Variants in CNTN5 observed in about 807,000 individuals in gnomAD.
CNTN5 encodes contactin-5.
A neutral mutation model predicts 129.1 loss-of-function variants in CNTN5; 77 were observed. That is an observed-to-expected ratio of 0.60 (90% CI 0.50 to 0.72). The LOEUF is 0.72. CNTN5 is among the 30% of genes least tolerant of loss of function. The pLI is 0.00. For missense variants in CNTN5, 1,478 were observed against 1,328.8 expected, an observed-to-expected ratio of 1.11 and a Z score of -1.75; for synonymous variants, 509 against 465.6, an observed-to-expected ratio of 1.09 and a Z score of -1.20.
At chr11:99,970,921 T>G (rs867997671) in intron 8 of CNTN5, among the ~76,000 whole-genome samples, 2 of 152,186 alleles carry the variant, frequency 1.3e-5, no homozygotes, top group African/African-American at 2.4e-5. Flanking sequence ...ATAATTTTTC[T>G]TTCTGTTCTG....
At chr11:100,342,094 T>C (rs377179172) in intron 23 of CNTN5, among the ~76,000 whole-genome samples, 1 of 151,496 alleles carries the variant, frequency 6.6e-6, no homozygotes, top group East Asian at 1.9e-4. Flanking sequence ...TTAATTTCCA[T>C]TAATATTATA....
chr11:99,832,012 T>A (rs192218310), intron 4 of CNTN5, among the ~76,000 whole-genome samples: 94 of 152,220 alleles, frequency 6.2e-4, no homozygotes, highest in African/African-American at 1.9e-3. Context: ...AAGTTCCTTG[T>A]CTCCTTTGCA....
At chr11:99,954,369 C>A (rs202019904) in intron 7 of CNTN5, among the ~76,000 whole-genome samples, 1 of 151,370 alleles carries the variant, frequency 6.6e-6, no homozygotes, top group African/African-American at 2.4e-5. Context: ...AAAAAAAAAC[C>A]TTAAAAAGTG....
At chr11:99,618,881 A>T (rs1396917244) in intron 3 of CNTN5, among the ~76,000 whole-genome samples, 4 of 152,200 alleles carry the variant, frequency 2.6e-5, no homozygotes, top group Admixed American at 2.6e-4. Flanking sequence ...AAAATAAAAA[A>T]TTTAAAGAGA....
chr11:99,379,504 A>G (rs1488568318), intron 2 of CNTN5, among the ~76,000 whole-genome samples: 2 of 152,166 alleles, frequency 1.3e-5, no homozygotes, highest in Non-Finnish European at 2.9e-5. Flanking sequence ...TCGATATGAC[A>G]TGAAAGGAGA....
chr11:99,464,713 G>A (rs1944866456), intron 2 of CNTN5, among the ~76,000 whole-genome samples: 1 of 152,054 alleles, frequency 6.6e-6, no homozygotes, highest in Non-Finnish European at 1.5e-5. Flanking sequence ...TATACATTTG[G>A]ATTAATTTGA....
At chr11:99,460,418 T>A (rs1036179340) in intron 2 of CNTN5, among the ~76,000 whole-genome samples, 7 of 151,902 alleles carry the variant, frequency 4.6e-5, no homozygotes, top group African/African-American at 1.4e-4. Flanking sequence ...AAACATTGTA[T>A]TTTTCCATTA....
rs568973208 is a variant in CNTN5, at chr11:99,172,947, A to G, written c.-210+151677A>G. On this transcript the variant is annotated intron_variant, in intron 1 of 24. Transcript: ENST00000524871. ...CGAGATTGGGAAATTTACAAAAGAAAGAGATTTATTGGACTTACAGTTCCA... is the reference window on the plus strand; with the variant it reads ...CGAGATTGGGAAATTTACAAAAGAAGGAGATTTATTGGACTTACAGTTCCA... Among the ~76,000 whole-genome samples, 6 of 152,364 alleles carry G rather than the reference A, an allele frequency of 3.9e-5. No individual in the cohort carries two copies. In the East Asian group the frequency reaches 1.2e-3, roughly 29 times the overall value.
chr11:100,173,452 G>A (rs927529506), intron 13 of CNTN5, among the ~76,000 whole-genome samples: 1 of 152,102 alleles, frequency 6.6e-6, no homozygotes, highest in African/African-American at 2.4e-5. Flanking sequence ...TGTTTGGACA[G>A]GAAGAGAAAA....
At chr11:99,090,359 C>A (rs1940522) in intron 1 of CNTN5, among the ~76,000 whole-genome samples, 2 of 151,796 alleles carry the variant, frequency 1.3e-5, no homozygotes, top group African/African-American at 4.8e-5. Flanking sequence ...GGCACAGAAG[C>A]AGAAATTGGG....
chr11:99,307,712 A>G (rs1864935894), intron 1 of CNTN5, among the ~76,000 whole-genome samples: 1 of 152,118 alleles, frequency 6.6e-6, no homozygotes, highest in Non-Finnish European at 1.5e-5. Flanking sequence ...GGTGCCCTTG[A>G]GTCTAACCAT....
chr11:99,245,084 T>G (rs565628774), intron 1 of CNTN5, among the ~76,000 whole-genome samples: 24 of 152,186 alleles, frequency 1.6e-4, no homozygotes, highest in African/African-American at 5.8e-4. Flanking sequence ...ATGAGGCATA[T>G]GCAAAAAATT....
intron 1 of CNTN5, among the ~76,000 whole-genome samples, chr11:99,308,957 G>C (rs993048554): frequency 6.6e-6 from 1 of 151,822 alleles, no homozygotes; most frequent in African/African-American, 2.4e-5. Context: ...TCCTAATACT[G>C]TATTTTATTC....
intron 3 of CNTN5, among the ~76,000 whole-genome samples, chr11:99,729,382 G>A (rs149725650): frequency 3.9e-5 from 6 of 151,980 alleles, no homozygotes; most frequent in African/African-American, 7.2e-5. Flanking sequence ...TTCGTTGTAC[G>A]GATTATTTCA....
In CNTN5 at chr11:99,730,850, C is replaced by T. The variant is rs558187277; in HGVS notation, c.56-88694C>T. On this transcript the variant is annotated intron_variant, in intron 3 of 24. Transcript: ENST00000524871. ...GAGATACACAATATATTGTTTTTAACTGTAGTCACTCTGCTGTGCTAGAGA... is the reference window on the plus strand; with the variant it reads ...GAGATACACAATATATTGTTTTTAATTGTAGTCACTCTGCTGTGCTAGAGA... Among the ~76,000 whole-genome samples the T allele has an allele frequency of 4.0e-4, 61 of 152,260 alleles. No homozygotes were observed. In the South Asian group the frequency reaches 7.9e-3, roughly 20 times the overall value.
intron 3 of CNTN5, among the ~76,000 whole-genome samples, chr11:99,762,922 G>A (rs574933395): frequency 2.6e-4 from 39 of 152,202 alleles, no homozygotes; most frequent in African/African-American, 9.4e-4. Context: ...CACTTCTGAT[G>A]TAAAAGCTTC....
chr11:100,356,065 G>A (rs1952516089), intron 24 of CNTN5, 52 bp from the exon 25 acceptor site: 1 of 1,263,530 alleles, frequency 7.9e-7, no homozygotes, highest in African/African-American at 1.5e-5. Flanking sequence ...TTCTGTCCTA[G>A]CTCAAGCAAA....
At chr11:99,452,290 C>G (rs1944331637) in intron 2 of CNTN5, among the ~76,000 whole-genome samples, 1 of 151,738 alleles carries the variant, frequency 6.6e-6, no homozygotes, top group Non-Finnish European at 1.5e-5. Context: ...TATGTTAGCT[C>G]CCAGTCCAAA....
chr11:99,883,873 G>T (rs573589170), intron 6 of CNTN5, among the ~76,000 whole-genome samples: 116 of 152,300 alleles, frequency 7.6e-4, no homozygotes, highest in African/African-American at 2.7e-3. Context: ...TCCTGTTACA[G>T]AAGATAAGAT....
Sources: allele counts gnomAD v4.1 joint callset (sites outside exome capture counted in the v4.1 genomes callset), GRCh38; gene constraint gnomAD v4.1.1; transcripts MANE v1.5; gene names NCBI Gene and HGNC (gene_info 2026-07-23, HGNC 2026-07-21).